PTCHD4: variants seen among roughly 807,000 people sequenced by gnomAD.
The protein encoded by PTCHD4 is patched domain containing 4.
A neutral mutation model predicts 58.1 loss-of-function variants in PTCHD4; 33 were observed. That is an observed-to-expected ratio of 0.57 (90% confidence interval 0.43 to 0.76). PTCHD4 has a LOEUF of 0.76. PTCHD4 is among the 30% of genes least tolerant of loss of function. The probability of loss-of-function intolerance (pLI) is 0.00; values close to 1 mark genes in which losing one functional copy is unlikely to be tolerated. For missense variants in PTCHD4, 1,058 were observed against 1,027.1 expected (o/e 1.03, Z -0.41); for synonymous variants, 478 against 409.6 (o/e 1.17, Z -2.02).
At chr6:47,983,773 C>T (rs2114016197) in intron 4 of PTCHD4, among the ~76,000 whole-genome samples, 1 of 152,244 alleles carries the variant, frequency 6.6e-6, no homozygotes, top group Admixed American at 6.5e-5. Context: ...ATAGTCTAGG[C>T]TAATCTGTCA....
rs1196434536 is a variant in PTCHD4 at position 47,857,307 on chromosome 6, C to A, written c.*20996G>T. On this transcript the variant is annotated 3_prime_UTR_variant, in exon 5 of 5. Coordinates refer to ENST00000339488, the MANE Select transcript of PTCHD4 (RefSeq NM_001384253.1). ...CCCTCCAGACTAGTAAGAACAGATG[C>A]ACATTGACGACACAAAGTTTCTGCG... Among the ~76,000 whole-genome samples the A allele has an allele frequency of 6.6e-6, 1 of 152,012 alleles. No homozygotes were observed. The highest frequency in any genetic ancestry group is 1.9e-4 in the East Asian group (1 of 5,164).
At chr6:47,887,175 G>A (rs1249403865) in intron 4 of PTCHD4, among the ~76,000 whole-genome samples, 1 of 150,388 alleles carries the variant, frequency 6.6e-6, no homozygotes, top group African/African-American at 2.4e-5. Flanking sequence ...ATACTTACTA[G>A]ATTAACAATA....
At chr6:47,895,594 C>T (rs1764506764) in intron 4 of PTCHD4, among the ~76,000 whole-genome samples, 1 of 152,202 alleles carries the variant, frequency 6.6e-6, no homozygotes, top group African/African-American at 2.4e-5. Flanking sequence ...CTACCATATG[C>T]ATAATCATGG....
intron 4 of PTCHD4, chr6:47,899,652 C>A: frequency 2.9e-6 from 2 of 698,280 alleles, no homozygotes; most frequent in Non-Finnish European, 3.5e-6. Context: ...CCAAGCAATT[C>A]ATTGATTAAA....
intron 1 of PTCHD4, among the ~76,000 whole-genome samples, chr6:48,084,652 T>A (rs1383881328): frequency 6.6e-6 from 1 of 152,194 alleles, no homozygotes; most frequent in African/African-American, 2.4e-5. Flanking sequence ...GAAACACTTT[T>A]AATTCTACAG....
chr6:47,933,386 T>A lies in PTCHD4; in HGVS notation c.899-53450A>T, dbSNP rs112636465. The stretch of plus-strand genomic sequence containing the variant: ...AGTTTTTTCAAGAAAGAGTTCTGTG[T>A]CCACGAAGATGCAGGTAGCTCTTCA... On this transcript the variant is annotated intron_variant, in intron 4 of 4. Transcript: ENST00000339488. Among the ~76,000 whole-genome samples, 643 of 152,374 alleles carry A rather than the reference T, an allele frequency of 4.2e-3. 4 individuals carry two copies. The highest frequency in any genetic ancestry group is 0.014 in the African/African-American group (588 of 41,584).
In PTCHD4 at chr6:47,865,062, A is replaced by C. The variant is rs1041555347; in HGVS notation, c.*13241T>G. Among the ~76,000 whole-genome samples, 11 of 151,918 alleles carry C rather than the reference A, an allele frequency of 7.2e-5. No homozygotes were observed. Among genetic ancestry groups the C allele is most frequent in the Non-Finnish European group, 1.5e-5 (1 of 67,908 alleles). On this transcript the variant is annotated 3_prime_UTR_variant, in exon 5 of 5. Coordinates refer to ENST00000339488, the MANE Select transcript of PTCHD4 (RefSeq NM_001384253.1). The stretch of plus-strand genomic sequence containing the variant: ...GAACTGCTAAATTCCCTGAAATGCA[A>C]ATAAATCTCAAGAATTATTTGCTAA...
chr6:47,908,682 C>A (rs970717499), intron 4 of PTCHD4, among the ~76,000 whole-genome samples: 4 of 152,092 alleles, frequency 2.6e-5, no homozygotes, highest in African/African-American at 9.7e-5. Context: ...TGGTTTCTAC[C>A]AATGTTTTCT....
intron 4 of PTCHD4, among the ~76,000 whole-genome samples, chr6:47,973,255 TAAG>T (rs1441227119): frequency 6.6e-6 from 1 of 152,188 alleles, no homozygotes; most frequent in Non-Finnish European, 1.5e-5. Context: ...CTTAAACCTT[TAAG>T]AAGAATTATT....
chr6:47,879,954 G>T lies in PTCHD4; in HGVS notation c.899-18C>A, dbSNP rs1333137089. On this transcript the variant is annotated intron_variant, in intron 4 of 4. Coordinates refer to ENST00000339488, the MANE Select transcript of PTCHD4 (RefSeq NM_001384253.1). ...TCCATGACCTAATGTTTTAAAAAAA[G>T]AAAATAATAATTATTTTTATTTCCT... 3 of 1,452,956 alleles carry T rather than the reference G, an allele frequency of 2.1e-6. No individual in the cohort carries two copies. Among genetic ancestry groups the T allele is most frequent in the Non-Finnish European group, 2.7e-6 (3 of 1,094,070 alleles). The allele number at this position is 1,452,956 out of a possible 1,614,324, so 90.0% of individuals were successfully genotyped here. A position where few individuals can be genotyped will look rare whatever the true frequency, so the allele number is the denominator to read the frequency against.
intron 4 of PTCHD4, among the ~76,000 whole-genome samples, chr6:47,895,208 T>A (rs1207558740): frequency 6.6e-6 from 1 of 151,840 alleles, no homozygotes; most frequent in Non-Finnish European, 1.5e-5. Context: ...GATGATAAAA[T>A]AGCTAACTGG....
chr6:47,964,002 G>A (rs920384254), intron 4 of PTCHD4, among the ~76,000 whole-genome samples: 4 of 152,174 alleles, frequency 2.6e-5, no homozygotes, highest in Admixed American at 1.3e-4. Context: ...TTATGCCAAC[G>A]TGCTGTTGCA....
At chr6:47,918,737 T>C (rs1765337763) in intron 4 of PTCHD4, among the ~76,000 whole-genome samples, 1 of 152,178 alleles carries the variant, frequency 6.6e-6, no homozygotes, top group Non-Finnish European at 1.5e-5. Flanking sequence ...TATCTTTCCT[T>C]CTTCTACAAT....
At chr6:48,087,462 G>A (rs4715061) in intron 1 of PTCHD4, among the ~76,000 whole-genome samples, 25,197 of 152,076 alleles carry the variant, frequency 0.17, 2,220 homozygotes, top group African/African-American at 0.23. Context: ...TAATGATGCT[G>A]TTAATATTAA....
intron 3 of PTCHD4, among the ~76,000 whole-genome samples, chr6:48,029,911 A>G (rs1763375521): frequency 6.6e-6 from 1 of 152,132 alleles, no homozygotes; most frequent in African/African-American, 2.4e-5. Flanking sequence ...GTTGACTTAC[A>G]GGGTTCCAGC....
intron 4 of PTCHD4, 61 bp downstream of exon 4, chr6:48,008,571 AAG>A (rs1762548220): frequency 6.6e-7 from 1 of 1,519,604 alleles, no homozygotes. Context: ...CTGAGAATTC[AAG>A]AAATATACTA....
intron 4 of PTCHD4, chr6:47,900,623 C>T (rs974902477): frequency 6.6e-6 from 1 of 152,142 alleles, no homozygotes; most frequent in African/African-American, 2.4e-5. Context: ...TTCATTCTTT[C>T]TCCATTAAAT....
At chr6:48,046,315 TAACTG>T (rs1764036349) in intron 3 of PTCHD4, among the ~76,000 whole-genome samples, 1 of 151,800 alleles carries the variant, frequency 6.6e-6, no homozygotes, top group Non-Finnish European at 1.5e-5. Flanking sequence ...GGAAACAAAA[TAACTG>T]AAGATGCAAG....
At chr6:48,049,441 C>T (rs1056049629) in intron 3 of PTCHD4, among the ~76,000 whole-genome samples, 7 of 152,072 alleles carry the variant, frequency 4.6e-5, no homozygotes, top group African/African-American at 1.4e-4. Context: ...GCTCTCAAGA[C>T]TAAAATAATG....
Sources: gnomAD v4.1 joint callset for allele counts (sites outside exome capture counted in the v4.1 genomes callset) on GRCh38, gnomAD v4.1.1 for gene constraint, MANE v1.5 for transcripts, NCBI Gene and HGNC (gene_info 2026-07-23, HGNC 2026-07-21) for gene names.